Variants in SEMA3A observed in about 807,000 individuals in gnomAD.
SEMA3A encodes the protein semaphorin-3A.
Under a neutral mutation model 97.9 loss-of-function variants are expected in SEMA3A, and 29 were observed. The ratio of observed to expected loss-of-function variants is 0.30; its 90% CI spans 0.22 to 0.40. The LOEUF is 0.40. Among genes scored for constraint, SEMA3A ranks in the 10% least tolerant of loss-of-function variants. SEMA3A has a pLI of 1.00. For missense variants in SEMA3A, 763 were observed against 951.3 expected, an observed-to-expected ratio of 0.80 and a Z score of 2.60; for synonymous variants, 321 against 323.7, an observed-to-expected ratio of 0.99 and a Z score of 0.09.
chr7:84,216,883 C>A (rs180894757), intron 3 of SEMA3A, among the ~76,000 whole-genome samples: 1 of 151,940 alleles, frequency 6.6e-6, no homozygotes, highest in Non-Finnish European at 1.5e-5. Context: ...CTTAGCATTG[C>A]GCCTTGCAAG....
intron 12 of SEMA3A, among the ~76,000 whole-genome samples, chr7:83,989,380 A>G (rs1294010531): frequency 6.6e-6 from 1 of 151,566 alleles, no homozygotes; most frequent in Non-Finnish European, 1.5e-5. Flanking sequence ...GGTTAGTTAC[A>G]TATGTATACA....
intron 6 of SEMA3A, among the ~76,000 whole-genome samples, chr7:84,025,168 A>C (rs2116450382): frequency 6.6e-6 from 1 of 152,346 alleles, no homozygotes; most frequent in South Asian, 2.1e-4. Context: ...GTAGCTGATA[A>C]GGATTCTAAA....
rs150301043 is a variant in SEMA3A at position 84,344,335 on chromosome 7, A to G, written c.-169+27489T>C. 7.7e-4 allele frequency among the ~76,000 whole-genome samples: 117 copies of G among 152,314 alleles called. 1 individual carries two copies. Among genetic ancestry groups the G allele is most frequent in the African/African-American group, 2.7e-3 (112 of 41,570 alleles). On this transcript the variant is annotated intron_variant, in intron 2 of 3. Transcript: ENST00000424555. The stretch of plus-strand genomic sequence containing the variant: ...CACACACACAAAATGGTTGACAGGC[A>G]TTCAACAAAAGGTAGAGCAGAACTG...
chr7:84,280,485 T>A (rs1800415405), intron 3 of SEMA3A, among the ~76,000 whole-genome samples: 1 of 152,124 alleles, frequency 6.6e-6, no homozygotes, highest in Non-Finnish European at 1.5e-5. Flanking sequence ...CTTTATTCTT[T>A]AAAATGTCTG....
chr7:84,312,130 A>G (rs1562897759), intron 2 of SEMA3A, among the ~76,000 whole-genome samples: 2 of 151,988 alleles, frequency 1.3e-5, no homozygotes, highest in Non-Finnish European at 2.9e-5. Flanking sequence ...TAAGTAAGCA[A>G]CTTCCAAACC....
chr7:83,995,671 AC>A (rs1790187118), intron 12 of SEMA3A, among the ~76,000 whole-genome samples: 1 of 152,110 alleles, frequency 6.6e-6, no homozygotes, highest in African/African-American at 2.4e-5. Flanking sequence ...TTTTCATGAA[AC>A]TGGTTTCAGT....
intron 3 of SEMA3A, among the ~76,000 whole-genome samples, chr7:84,299,383 T>C (rs2115818229): frequency 6.7e-6 from 1 of 149,982 alleles, no homozygotes; most frequent in South Asian, 2.1e-4. Flanking sequence ...TATATATATA[T>C]ATACACACAT....
intron 3 of SEMA3A, among the ~76,000 whole-genome samples, chr7:84,296,119 T>A (rs144099076): frequency 6.6e-6 from 1 of 152,104 alleles, no homozygotes. Context: ...ATAGAAGACC[T>A]GTCTTAAGAA....
chr7:84,382,142 C>T (rs1803276700), intron 1 of SEMA3A, among the ~76,000 whole-genome samples: 1 of 152,130 alleles, frequency 6.6e-6, no homozygotes, highest in Admixed American at 6.5e-5. Context: ...GAGTCTCGCT[C>T]TGTCGCCCAG....
chr7:84,194,537 G>T lies in SEMA3A; in HGVS notation c.50C>A (p.Thr17Lys), dbSNP rs750492355. The T allele has an allele frequency of 4.3e-6, 7 of 1,613,412 alleles. No homozygotes were observed. Among genetic ancestry groups the T allele is most frequent in the Non-Finnish European group, 5.9e-6 (7 of 1,179,432 alleles). ...IVCLFWGVLLTARANYQNGKN... is the reference protein window; with the variant it reads ...IVCLFWGVLLKARANYQNGKN... The stretch of plus-strand genomic sequence containing the variant: ...CCCATTCTGATAGTTTGCTCTTGCT[G>T]TAAGTAATACTCCCCAGAAAAGACA... The change falls in exon 1 of 17, where the codon ACA (threonine) becomes AAA (lysine). Residue 17 changes from threonine (T) to lysine (K), a missense_variant. Around this residue, in one of 2 missense-constraint regions of SEMA3A, gnomAD observed 85 missense variants for 70.0 expected, o/e 1.21. Coordinates refer to ENST00000265362, the MANE Select transcript of SEMA3A (RefSeq NM_006080.3).
intron 11 of SEMA3A, among the ~76,000 whole-genome samples, chr7:84,003,935 T>A (rs1295980550): frequency 6.6e-6 from 1 of 152,152 alleles, no homozygotes; most frequent in Non-Finnish European, 1.5e-5. Flanking sequence ...AAGTAGACTT[T>A]AATATATTAC....
At position 84,425,800 on chromosome 7, in the gene SEMA3A, G is replaced by A. The variant is rs184040367; in HGVS notation, c.-245-53900C>T. Among the ~76,000 whole-genome samples, 445 of 148,014 alleles carry A rather than the reference G, an allele frequency of 3.0e-3. 2 individuals carry two copies. The highest frequency in any genetic ancestry group is 9.4e-3 in the African/African-American group (382 of 40,574). ...AGCCTGGCCAATATGGTGAAACCCC[G>A]TCTTTGCTAAAAATACAATATATCA... On this transcript the variant is annotated intron_variant, in intron 1 of 3. Transcript: ENST00000424555.
chr7:83,996,650 T>TAATC (rs1174615446), intron 12 of SEMA3A, among the ~76,000 whole-genome samples: 8 of 152,118 alleles, frequency 5.3e-5, no homozygotes, highest in African/African-American at 1.7e-4. Context: ...AAAGTATTTA[T>TAATC]AATCACAGTC....
intron 1 of SEMA3A, among the ~76,000 whole-genome samples, chr7:84,390,896 A>T (rs890949671): frequency 2.0e-5 from 3 of 152,172 alleles, no homozygotes; most frequent in Non-Finnish European, 2.9e-5. Context: ...TGAGGCTTTC[A>T]GGGTCAATAG....
chr7:84,430,427 A>G (rs925432538), intron 1 of SEMA3A, among the ~76,000 whole-genome samples: 1 of 152,044 alleles, frequency 6.6e-6, no homozygotes, highest in African/African-American at 2.4e-5. Context: ...AACCAATAGT[A>G]AACCTTTGTT....
rs76067802 is a variant in SEMA3A, at chr7:84,033,069, T to C, written c.667+13255A>G. ...AAAAATTGCAAATTACTACATATTG[T>C]AAATACTATTGGCTGTTTTATAACT... is the stretch of plus-strand genomic sequence containing the variant. On this transcript the variant is annotated intron_variant, in intron 6 of 16. Transcript: ENST00000265362. 4.6e-5 allele frequency among the ~76,000 whole-genome samples: 7 copies of C among 152,262 alleles called. No homozygotes were observed. The East Asian group carries it at 1.3e-3, about 29-fold the overall frequency.
At chr7:84,477,331 C>T (rs1450753061) in intron 1 of SEMA3A, among the ~76,000 whole-genome samples, 1 of 143,664 alleles carries the variant, frequency 7.0e-6, no homozygotes, top group Non-Finnish European at 1.5e-5. Flanking sequence ...CCCAGCTACT[C>T]GGGAGGCTGA....
At chr7:84,073,056 A>T (rs533184788) in intron 4 of SEMA3A, among the ~76,000 whole-genome samples, 23 of 146,528 alleles carry the variant, frequency 1.6e-4, no homozygotes, top group African/African-American at 6.1e-4. Flanking sequence ...TAAACACACT[A>T]AAGTAGTAGA....
At chr7:84,427,411 GGCT>G (rs1279923974) in intron 1 of SEMA3A, among the ~76,000 whole-genome samples, 1 of 152,048 alleles carries the variant, frequency 6.6e-6, no homozygotes, top group East Asian at 1.9e-4. Flanking sequence ...CACTTTGGGA[GGCT>G]GAGGCGGGTA....
Sources: gnomAD v4.1 joint callset for allele counts (sites outside exome capture counted in the v4.1 genomes callset) on GRCh38, gnomAD v4.1.1 for gene constraint, gnomAD v4.1.1 regional missense constraint, MANE v1.5 for transcripts, NCBI Gene and HGNC (gene_info 2026-07-23, HGNC 2026-07-21) for gene names.